Variants in ULK3 observed in about 807,000 individuals in gnomAD.
The protein encoded by ULK3 is unc-51 like kinase 3.
ULK3 carries 54 observed loss-of-function variants against 69.4 expected under a neutral mutation model. The observed-to-expected ratio is 0.78, with a 90% CI of 0.63 to 0.98. ULK3 has a LOEUF of 0.98. ULK3 is among the 50% of genes least tolerant of loss of function. The probability of loss-of-function intolerance (pLI) is 0.00; values close to 1 mark genes in which losing one functional copy is unlikely to be tolerated. For synonymous variants in ULK3, 240 were observed against 254.5 expected (o/e 0.94, Z 0.54); for missense variants, 558 against 627.7 (o/e 0.89, Z 1.19).
chr15:74,837,700 G>C (rs1284923861), intron 14 of ULK3, 51 bp downstream of exon 14: 1 of 1,556,382 alleles, frequency 6.4e-7, no homozygotes, highest in African/African-American at 1.4e-5. Context: ...CACAAGCAGA[G>C]AGCAACAGAA....
At position 74,842,517 on chromosome 15, in the gene ULK3, GCC is replaced by G. The variant is rs759130773; in HGVS notation, c.103-99_103-98del. ...CTGGTTCCCTCTGTTCCCCCACCCC[GCC>G]CCTCCCCGGGTCTACCTACTGCACA... On this transcript the variant is annotated intron_variant, in intron 1 of 15. Coordinates refer to ENST00000440863, the MANE Select transcript of ULK3 (RefSeq NM_001099436.4). This position sits in a 1 kb window ranked among gnomAD's most constrained non-coding sequence, Gnocchi z 4.9. 1 of 781,228 alleles carries G rather than the reference GCC, an allele frequency of 1.3e-6. No individual in the cohort carries two copies. The highest frequency in any genetic ancestry group is 2.0e-6 in the Non-Finnish European group (1 of 498,070). The allele number at this position is 781,228 out of a possible 1,614,324, so 48.4% of individuals were successfully genotyped here.
chr15:74,839,794 CCA>C lies in ULK3; in HGVS notation c.697-83_697-82del, dbSNP rs2064179160. Reference sequence around the variant, plus strand: ...CTAGCCCAGGGGTCTGCGAGGAACCCCAGAGGTACGCGTTGGACAGGTGGGGA... The same window carrying C: ...CTAGCCCAGGGGTCTGCGAGGAACCCGAGGTACGCGTTGGACAGGTGGGGA... On this transcript the variant is annotated intron_variant, in intron 6 of 15. Coordinates refer to ENST00000440863, the MANE Select transcript of ULK3 (RefSeq NM_001099436.4). The C allele has an allele frequency of 4.8e-6, 7 of 1,443,658 alleles. No individual in the cohort carries two copies. The African/African-American group carries it at 8.6e-5, about 18-fold the overall frequency. The allele number at this position is 1,443,658 out of a possible 1,614,324, so 89.4% of individuals were successfully genotyped here.
intron 4 of ULK3, 44 bp downstream of exon 4, chr15:74,841,361 C>A (rs755987105): frequency 1.9e-6 from 3 of 1,552,574 alleles, no homozygotes; most frequent in Non-Finnish European, 2.7e-6. Flanking sequence ...AGAGGGAGGC[C>A]TCTGCACTCT....
rs1485140454 is a variant in ULK3 at position 74,842,213 on chromosome 15, G to GA, written c.244-19dup. ...CTGTCCCACTGTGTTTAGAGGCAGA[G>GA]AGGCGGCCTGAAGAGAGTGTCCCTT... On this transcript the variant is annotated intron_variant, in intron 2 of 15. Coordinates refer to ENST00000440863, the MANE Select transcript of ULK3 (RefSeq NM_001099436.4). The surrounding 1 kb of genome is among the most constrained non-coding windows in gnomAD (Gnocchi z 4.9). The GA allele has an allele frequency of 6.2e-6, 10 of 1,614,034 alleles. No homozygotes were observed. The highest frequency in any genetic ancestry group is 1.6e-4 in the Middle Eastern group (1 of 6,062).
In ULK3 at chr15:74,839,805, C is replaced by T. The variant is rs895911243; in HGVS notation, c.697-92G>A. 4.2e-6 allele frequency: 6 copies of T among 1,428,748 alleles called. No individual in the cohort carries two copies. In the African/African-American group the frequency reaches 4.3e-5, roughly 10 times the overall value. 88.5% of individuals were successfully genotyped at this position (1,428,748 alleles called of 1,614,324 possible). On this transcript the variant is annotated intron_variant, in intron 6 of 15. Transcript: ENST00000440863. ...GTCTGCGAGGAACCCCAGAGGTACGCGTTGGACAGGTGGGGAATCTGAGAC... is the reference window on the plus strand; with the variant it reads ...GTCTGCGAGGAACCCCAGAGGTACGTGTTGGACAGGTGGGGAATCTGAGAC...
chr15:74,837,462 G>A (rs1327726676), intron 14 of ULK3, 27 bp from the exon 15 acceptor site: 4 of 1,601,622 alleles, frequency 2.5e-6, no homozygotes, highest in Non-Finnish European at 3.4e-6. Flanking sequence ...CAGCACAAGG[G>A]ATGAGAGGCA....
chr15:74,837,642 C>G, intron 14 of ULK3, 109 bp downstream of exon 14: 4 of 1,391,176 alleles, frequency 2.9e-6, no homozygotes, highest in Non-Finnish European at 4.0e-6. Flanking sequence ...GGGAGGCCTG[C>G]AGAGGAGGCG....
chr15:74,840,113 T>A, intron 6 of ULK3, 121 bp downstream of exon 6: 1 of 1,264,920 alleles, frequency 7.9e-7, no homozygotes, highest in Non-Finnish European at 1.1e-6. Flanking sequence ...AACCTGCCCC[T>A]CCACCACAAA....
At chr15:74,839,812 C>T (rs1313057089) in intron 6 of ULK3, 99 bp from the exon 7 acceptor site, 3 of 1,420,556 alleles carry the variant, frequency 2.1e-6, no homozygotes, top group Non-Finnish European at 9.2e-7. Context: ...ACGCGTTGGA[C>T]AGGTGGGGAA....
rs4886615 is a variant in ULK3, at chr15:74,839,320, A to T, written c.906T>A (p.Ala302=). 1 of 1,566,454 alleles carries T rather than the reference A, an allele frequency of 6.4e-7. No individual in the cohort carries two copies. The highest frequency in any genetic ancestry group is 2.4e-5 in the East Asian group (1 of 42,062). ...VKKDQEGDSA[A]ALSLYCKALD... is the part of the protein sequence containing the mutation. ...GAGCCTTGCAGTAGAGTGATAAGGC[A>T]GCTGCTGAATCCCCCTCCTGGTCTT... The change falls in exon 8 of 16, where the codon GCT becomes GCA. Residue 302 remains alanine (A), a synonymous_variant. Coordinates refer to ENST00000440863, the MANE Select transcript of ULK3 (RefSeq NM_001099436.4).
Position 74,836,937 on chromosome 15 carries a change from G to A in ULK3, c.*291C>T, listed in dbSNP as rs572492680. ...GATAGAGGGCTGCATGCCCCAAAAC[G>A]GACAGGCACAGGACCCAGTAACCAC... On this transcript the variant is annotated 3_prime_UTR_variant, in exon 16 of 16. Transcript: ENST00000440863. This position sits in a 1 kb window ranked among gnomAD's most constrained non-coding sequence, Gnocchi z 4.0. The A allele has an allele frequency of 2.2e-5, 8 of 357,710 alleles. No homozygotes were observed. The highest frequency in any genetic ancestry group is 9.4e-5 in the South Asian group (1 of 10,658). 22.2% of individuals were successfully genotyped at this position (357,710 alleles called of 1,614,324 possible). A position where few individuals can be genotyped will look rare whatever the true frequency, so the allele number is the denominator to read the frequency against.
In ULK3 at chr15:74,840,242, C is replaced by A. The variant is rs749981080; in HGVS notation, c.688G>T (p.Val230Phe). 30 of 1,609,426 alleles carry A rather than the reference C, an allele frequency of 1.9e-5. No individual in the cohort carries two copies. The Admixed American group carries it at 4.9e-4, about 26-fold the overall frequency. ...GGCCCTGCTAGACACACCTCGATGA[C>A]CCGGTTGCTACGGATCTTCTCTTCC... is the stretch of plus-strand genomic sequence containing the variant. ...ELEEKIRSNR[V>F]IELPLRPLLS... Residue 230 changes from valine (V) to phenylalanine (F), a missense_variant, in exon 6 of 16, where the codon GTC becomes TTC. Val to Phe is a conservative substitution (Grantham distance 50). Coordinates refer to ENST00000440863, the MANE Select transcript of ULK3 (RefSeq NM_001099436.4).
In ULK3 at chr15:74,842,331, C is replaced by A; in HGVS notation, c.192G>T (p.Glu64Asp). The A allele has an allele frequency of 6.2e-7, 1 of 1,614,030 alleles. No homozygotes were observed. The highest frequency in any genetic ancestry group is 8.5e-7 in the Non-Finnish European group (1 of 1,179,896). Residue 64 changes from glutamate to aspartate, a missense_variant, in exon 2 of 16, where the codon GAG (glutamate) becomes GAT (aspartate). Glu to Asp is a conservative substitution (Grantham distance 45). Coordinates refer to ENST00000440863, the MANE Select transcript of ULK3 (RefSeq NM_001099436.4). This position sits in a 1 kb window ranked among gnomAD's most constrained non-coding sequence, Gnocchi z 4.9. The part of the protein sequence containing the change: ...ASVENLLTEI[E>D]ILKGIRHPHI... ...GGGGATGTCGAATGCCCTTGAGGATCTCAATCTCCGTGAGGAGGTTCTCCA... is the reference window on the plus strand; with the variant it reads ...GGGGATGTCGAATGCCCTTGAGGATATCAATCTCCGTGAGGAGGTTCTCCA...
chr15:74,838,076 C>G (rs371302999), intron 13 of ULK3, 76 bp downstream of exon 13: 2 of 1,533,644 alleles, frequency 1.3e-6, no homozygotes. Context: ...CAGAGGGAAC[C>G]CAAAGAGGTC....
chr15:74,841,984 C>T (rs988996012), intron 3 of ULK3, 91 bp downstream of exon 3: 20 of 1,579,700 alleles, frequency 1.3e-5, no homozygotes, highest in South Asian at 4.6e-5. Flanking sequence ...AGCTGCAATG[C>T]GTGCCAAGGC....
intron 10 of ULK3, 49 bp downstream of exon 10, chr15:74,838,594 T>C: frequency 6.4e-7 from 1 of 1,569,694 alleles, no homozygotes. Context: ...CCTCAGGCTG[T>C]GGGGAGGTTT....
chr15:74,843,142 G>A lies in ULK3; in HGVS notation c.-37C>T. 8.3e-7 allele frequency: 1 copy of A among 1,209,114 alleles called. No homozygotes were observed. Among genetic ancestry groups the A allele is most frequent in the Non-Finnish European group, 1.0e-6 (1 of 961,250 alleles). The allele number at this position is 1,209,114 out of a possible 1,614,324, so 74.9% of individuals were successfully genotyped here. A position where few individuals can be genotyped will look rare whatever the true frequency, so the allele number is the denominator to read the frequency against. The stretch of plus-strand genomic sequence containing the variant: ...GCGCCCGCGCGGGCGCTTCCTCGCT[G>A]CGGGCGGCGGTTCCGGCGGGTTGCG... On this transcript the variant is annotated 5_prime_UTR_variant, in exon 1 of 16. Transcript: ENST00000440863.
intron 14 of ULK3, 79 bp downstream of exon 14, chr15:74,837,672 G>T: frequency 1.4e-6 from 2 of 1,436,846 alleles, no homozygotes; most frequent in African/African-American, 1.6e-5. Flanking sequence ...ACATACACCA[G>T]CAGGGGGGGA....
At position 74,841,450 on chromosome 15, in the gene ULK3, T is replaced by G; in HGVS notation, c.424A>C (p.Asn142His). The G allele has an allele frequency of 6.2e-7, 1 of 1,613,926 alleles. No homozygotes were observed. Among genetic ancestry groups the G allele is most frequent in the Non-Finnish European group, 8.5e-7 (1 of 1,179,864 alleles). ...TTCTCCAAGGAGCTCAGTAGAATGT[T>G]CTGTGGCTTCAGATCCAGGTGAGAG... ...NISHLDLKPQ[N>H]ILLSSLEKPH... The change falls in exon 4 of 16, where the codon AAC becomes CAC. Residue 142 changes from asparagine (N) to histidine (H), a missense_variant. Physicochemically the swap from Asn to His is moderately conservative, Grantham distance 68. Coordinates refer to ENST00000440863, the MANE Select transcript of ULK3 (RefSeq NM_001099436.4).
Sources: gnomAD v4.1 joint callset for allele counts on GRCh38, gnomAD v4.1.1 for gene constraint, Gnocchi (gnomAD v3.1) non-coding constraint, MANE v1.5 for transcripts, NCBI Gene and HGNC (gene_info 2026-07-23, HGNC 2026-07-21) for gene names.